The following GRID2 variants were observed in gnomAD, a reference collection of about 807,000 sequenced individuals.
The protein encoded by GRID2 is glutamate ionotropic receptor delta type subunit 2.
Under a neutral mutation model 114.8 loss-of-function variants are expected in GRID2, and 33 were observed. That is an observed-to-expected ratio of 0.29 (90% CI 0.22 to 0.38). GRID2 has a LOEUF of 0.38. GRID2 is among the 10% of genes least tolerant of loss of function. The pLI is 1.00. For synonymous variants in GRID2, 505 were observed against 449.9 expected, an observed-to-expected ratio of 1.12 and a Z score of -1.55; for missense variants, 1,184 against 1,257.7, an observed-to-expected ratio of 0.94 and a Z score of 0.89.
chr4:93,060,825 G>T (rs2149292433), intron 2 of GRID2, among the ~76,000 whole-genome samples: 1 of 152,226 alleles, frequency 6.6e-6, no homozygotes, highest in African/African-American at 2.4e-5. Flanking sequence ...ATTAAAGGCT[G>T]GGTGTGGTGG....
intron 2 of GRID2, among the ~76,000 whole-genome samples, chr4:92,691,965 T>C (rs1216994540): frequency 6.6e-6 from 1 of 152,190 alleles, no homozygotes; most frequent in Non-Finnish European, 1.5e-5. Flanking sequence ...TTTAAAATCT[T>C]TTGTGAGATG....
intron 8 of GRID2, among the ~76,000 whole-genome samples, chr4:93,388,962 G>A (rs549378677): frequency 2.0e-5 from 3 of 152,282 alleles, no homozygotes; most frequent in South Asian, 2.1e-4. Context: ...CAGAGACAGT[G>A]AAGTGATAGT....
chr4:93,797,553 G>T (rs904544847), intron 1 of GRID2, among the ~76,000 whole-genome samples: 2 of 152,064 alleles, frequency 1.3e-5, no homozygotes, highest in Admixed American at 6.6e-5. Context: ...AACCACTCAC[G>T]CATTTACTCA....
intron 14 of GRID2, among the ~76,000 whole-genome samples, chr4:93,690,872 C>T (rs1031888232): frequency 2.7e-5 from 4 of 148,628 alleles, no homozygotes; most frequent in African/African-American, 7.4e-5. Flanking sequence ...TATGTTATAA[C>T]ATTTTTATGT....
At chr4:93,276,246 A>T (rs1265035792) in intron 8 of GRID2, among the ~76,000 whole-genome samples, 6 of 152,020 alleles carry the variant, frequency 3.9e-5, no homozygotes, top group Non-Finnish European at 7.4e-5. Context: ...CCTTTGTTGA[A>T]ATACAATTGA....
At position 92,460,032 on chromosome 4, in the gene GRID2, C is replaced by CTATATATATATATATATATATATA. The variant is rs373743453; in HGVS notation, c.89-130077_89-130076insTATATATATATATATATATATATA. On this transcript the variant is annotated intron_variant, in intron 1 of 15. Coordinates refer to ENST00000282020, the MANE Select transcript of GRID2 (RefSeq NM_001510.4). ...AGCCCATTCCTTAAAATAAATCTCACTATATATATATATATATATATACAC... is the reference window on the plus strand; with the variant it reads ...AGCCCATTCCTTAAAATAAATCTCACTATATATATATATATATATATATATATATATATATATATATATATACAC... Among the ~76,000 whole-genome samples, 332 of 48,316 alleles carry CTATATATATATATATATATATATA rather than the reference C, an allele frequency of 6.9e-3. 36 individuals carry two copies. The highest frequency in any genetic ancestry group is 0.032 in the East Asian group (17 of 526). The allele number at this position is 48,316 out of a possible 152,430, so 31.7% of individuals were successfully genotyped here. A position where few individuals can be genotyped will look rare whatever the true frequency, so the allele number is the denominator to read the frequency against.
chr4:92,972,789 G>T (rs1753610313), intron 2 of GRID2, among the ~76,000 whole-genome samples: 1 of 151,828 alleles, frequency 6.6e-6, no homozygotes, highest in South Asian at 2.1e-4. Flanking sequence ...CCTAGTGTGT[G>T]TTGTTTTCCT....
At chr4:92,451,718 T>C (rs567682811) in intron 1 of GRID2, among the ~76,000 whole-genome samples, 1 of 152,290 alleles carries the variant, frequency 6.6e-6, no homozygotes, top group African/African-American at 2.4e-5. Flanking sequence ...TTATGACACA[T>C]TGACAATTTG....
Position 93,128,039 on chromosome 4 carries a change from A to C in GRID2, c.735+17086A>C, listed in dbSNP as rs1352289192. ...TTGTCCCCCGCAACAAAAAAAAAAA[A>C]AAAAAAAAAAAAAAAAAAAACAACA... On this transcript the variant is annotated intron_variant, in intron 4 of 15. Coordinates refer to ENST00000282020, the MANE Select transcript of GRID2 (RefSeq NM_001510.4). Among the ~76,000 whole-genome samples the C allele has an allele frequency of 9.9e-5, 14 of 141,820 alleles. No homozygotes were observed. In the East Asian group the frequency reaches 1.7e-3, roughly 17 times the overall value. The allele number at this position is 141,820 out of a possible 152,430, so 93.0% of individuals were successfully genotyped here.
chr4:93,097,922 C>T (rs1578980056), intron 3 of GRID2, among the ~76,000 whole-genome samples: 1 of 151,896 alleles, frequency 6.6e-6, no homozygotes, highest in South Asian at 2.1e-4. Context: ...AATGATACCT[C>T]TCTAAACTTA....
At chr4:93,089,823 T>G (rs1016042609) in intron 3 of GRID2, among the ~76,000 whole-genome samples, 1 of 152,136 alleles carries the variant, frequency 6.6e-6, no homozygotes, top group African/African-American at 2.4e-5. Flanking sequence ...ATAGAGAGAC[T>G]TTATTACTCA....
intron 3 of GRID2, among the ~76,000 whole-genome samples, chr4:93,109,095 C>T (rs1186687441): frequency 1.3e-5 from 2 of 152,212 alleles, no homozygotes; most frequent in African/African-American, 4.8e-5. Context: ...CAAAGTCCAT[C>T]AAATTTAACC....
intron 2 of GRID2, among the ~76,000 whole-genome samples, chr4:92,995,608 T>C (rs1755151471): frequency 6.6e-6 from 1 of 152,138 alleles, no homozygotes; most frequent in Non-Finnish European, 1.5e-5. Flanking sequence ...ATTTATATTG[T>C]AATAATAACA....
chr4:92,415,710 ATGTGTGTG>A (rs113594102), intron 1 of GRID2, among the ~76,000 whole-genome samples: 35 of 107,512 alleles, frequency 3.3e-4, no homozygotes, highest in Non-Finnish European at 3.2e-4. Context: ...ATGCGCATGT[ATGTGTGTG>A]TGTGTGTGTG....
At chr4:92,414,351 T>C (rs1183951445) in intron 1 of GRID2, among the ~76,000 whole-genome samples, 1 of 152,160 alleles carries the variant, frequency 6.6e-6, no homozygotes, top group Non-Finnish European at 1.5e-5. Flanking sequence ...TGCAAAACTT[T>C]CGTGATTGTC....
At chr4:93,224,160 C>A (rs1273469400) in intron 6 of GRID2, among the ~76,000 whole-genome samples, 1 of 152,042 alleles carries the variant, frequency 6.6e-6, no homozygotes, top group Non-Finnish European at 1.5e-5. Flanking sequence ...TTTTTAGGTA[C>A]CTATGACATT....
chr4:93,359,263 T>C (rs1761645029), intron 8 of GRID2, among the ~76,000 whole-genome samples: 1 of 151,824 alleles, frequency 6.6e-6, no homozygotes, highest in African/African-American at 2.4e-5. Context: ...TGTTTGCAAT[T>C]TTTTCATTTT....
chr4:93,324,627 G>C (rs926998341), intron 8 of GRID2, among the ~76,000 whole-genome samples: 1 of 152,100 alleles, frequency 6.6e-6, no homozygotes, highest in African/African-American at 2.4e-5. Context: ...GCTCCTCTTT[G>C]TACCTCTGGT....
intron 1 of GRID2, among the ~76,000 whole-genome samples, chr4:93,781,697 C>T (rs1479314679): frequency 6.6e-6 from 1 of 152,160 alleles, no homozygotes; most frequent in Non-Finnish European, 1.5e-5. Flanking sequence ...TTATTTCTAA[C>T]ATCTAATACA....
Sources: gnomAD v4.1 joint callset for allele counts (sites outside exome capture counted in the v4.1 genomes callset) on GRCh38, gnomAD v4.1.1 for gene constraint, MANE v1.5 for transcripts, NCBI Gene and HGNC (gene_info 2026-07-23, HGNC 2026-07-21) for gene names.